ASIC2: variants seen among roughly 807,000 people sequenced by gnomAD.
ASIC2 encodes the protein acid-sensing ion channel 2.
A neutral mutation model predicts 57.3 loss-of-function variants in ASIC2; 25 were observed. That is an observed-to-expected ratio of 0.44 (90% confidence interval 0.32 to 0.61). The LOEUF (loss-of-function observed/expected upper bound fraction) is 0.61, where lower values mean the gene tolerates loss of function less well. Among genes scored for constraint, ASIC2 ranks in the 20% least tolerant of loss-of-function variants. The pLI, the probability that ASIC2 is intolerant of heterozygous loss-of-function variation, is 0.06. For synonymous variants in ASIC2, 319 were observed against 307.5 expected, an observed-to-expected ratio of 1.04 and a Z score of -0.39; for missense variants, 641 against 738.1, an observed-to-expected ratio of 0.87 and a Z score of 1.52.
intron 1 of ASIC2, among the ~76,000 whole-genome samples, chr17:33,604,276 T>C (rs957128735): frequency 1.3e-5 from 2 of 152,202 alleles, no homozygotes; most frequent in Non-Finnish European, 2.9e-5. Context: ...ATTCTGAGGC[T>C]TCCTCCTATA....
At chr17:33,048,728 C>T (rs1488809930) in intron 3 of ASIC2, among the ~76,000 whole-genome samples, 1 of 152,186 alleles carries the variant, frequency 6.6e-6, no homozygotes, top group East Asian at 1.9e-4. Context: ...GGAGTTCTCC[C>T]TGGGTCCTGT....
chr17:33,088,482 T>C (rs2092144241), intron 3 of ASIC2, among the ~76,000 whole-genome samples: 1 of 152,070 alleles, frequency 6.6e-6, no homozygotes, highest in Non-Finnish European at 1.5e-5. Flanking sequence ...TTTCTTTTTG[T>C]AGGCTGCTTT....
chr17:33,224,551 C>T (rs1364618564), intron 1 of ASIC2, among the ~76,000 whole-genome samples: 1 of 152,110 alleles, frequency 6.6e-6, no homozygotes, highest in African/African-American at 2.4e-5. Context: ...AGAGCTGGAT[C>T]AATATCGAAT....
intron 1 of ASIC2, among the ~76,000 whole-genome samples, chr17:33,128,521 A>G (rs987444612): frequency 1.3e-5 from 2 of 152,328 alleles, no homozygotes; most frequent in South Asian, 4.1e-4. Flanking sequence ...GATCACACCC[A>G]TGCAGGAGGG....
chr17:33,865,434 G>A (rs1597907795), intron 1 of ASIC2, among the ~76,000 whole-genome samples: 1 of 152,164 alleles, frequency 6.6e-6, no homozygotes, highest in South Asian at 2.1e-4. Flanking sequence ...GGCAGCAAGT[G>A]AAAATGTACC....
chr17:33,606,483 C>T (rs1905235394), intron 1 of ASIC2, among the ~76,000 whole-genome samples: 2 of 152,208 alleles, frequency 1.3e-5, no homozygotes, highest in Non-Finnish European at 1.5e-5. Context: ...TCATGCAAAA[C>T]TCCTTTCTTC....
chr17:34,085,251 T>C (rs1910065688), intron 1 of ASIC2, among the ~76,000 whole-genome samples: 2 of 152,216 alleles, frequency 1.3e-5, no homozygotes, highest in South Asian at 2.1e-4. Context: ...AGCATGAAGG[T>C]TGTTGAATTT....
At chr17:34,030,530 C>T (rs1049370639) in intron 1 of ASIC2, among the ~76,000 whole-genome samples, 28 of 152,290 alleles carry the variant, frequency 1.8e-4, no homozygotes, top group African/African-American at 6.3e-4. Flanking sequence ...GTGCAGTGCA[C>T]CGTGCGCGAG....
intron 1 of ASIC2, among the ~76,000 whole-genome samples, chr17:33,269,613 C>CCTTCCTTCCTT: frequency 1.4e-5 from 1 of 73,340 alleles, no homozygotes; most frequent in South Asian, 4.6e-4. Context: ...AGGGCTCCTT[C>CCTTCCTTCCTT]CCTTCCTTCC....
chr17:33,998,934 C>T (rs1906246009), intron 1 of ASIC2, among the ~76,000 whole-genome samples: 1 of 152,092 alleles, frequency 6.6e-6, no homozygotes, highest in South Asian at 2.1e-4. Context: ...TTTCTGTCTT[C>T]ATGATCTATC....
intron 1 of ASIC2, among the ~76,000 whole-genome samples, chr17:33,270,097 G>A (rs1044899617): frequency 3.3e-5 from 5 of 152,280 alleles, no homozygotes; most frequent in Non-Finnish European, 5.9e-5. Flanking sequence ...TGTCTACAAT[G>A]AGCGATTTTT....
At chr17:33,669,008 G>A (rs571772563) in intron 1 of ASIC2, among the ~76,000 whole-genome samples, 2 of 152,316 alleles carry the variant, frequency 1.3e-5, no homozygotes, top group East Asian at 3.9e-4. Flanking sequence ...ACGCCGCCAG[G>A]AGGAAGTAGC....
At chr17:33,171,519 T>G (rs1398517995) in intron 1 of ASIC2, among the ~76,000 whole-genome samples, 2 of 152,194 alleles carry the variant, frequency 1.3e-5, no homozygotes, top group Non-Finnish European at 2.9e-5. Flanking sequence ...TATAGCTCAA[T>G]TCCACCTGCT....
chr17:33,069,700 A>G (rs1160280031), intron 3 of ASIC2, among the ~76,000 whole-genome samples: 1 of 152,148 alleles, frequency 6.6e-6, no homozygotes, highest in Non-Finnish European at 1.5e-5. Flanking sequence ...ATATGTTTCC[A>G]TCCTTTAAAA....
intron 1 of ASIC2, among the ~76,000 whole-genome samples, chr17:33,188,948 T>C (rs1906308666): frequency 6.6e-6 from 1 of 152,110 alleles, no homozygotes; most frequent in African/African-American, 2.4e-5. Flanking sequence ...TAACAATGTG[T>C]TGTGGGGTTT....
chr17:33,750,359 T>G (rs2637365), intron 1 of ASIC2, among the ~76,000 whole-genome samples: 78,126 of 150,518 alleles, frequency 0.52, 20,345 homozygotes, highest in East Asian at 0.6. Flanking sequence ...TGAGGTTTGG[T>G]AGACTGATGA....
intron 1 of ASIC2, among the ~76,000 whole-genome samples, chr17:33,167,244 C>A (rs544354611): frequency 1.3e-5 from 2 of 152,170 alleles, no homozygotes; most frequent in East Asian, 3.9e-4. Context: ...CTACTTGCCA[C>A]TTCTCTTGGT....
chr17:33,160,115 G>A (rs1434914332), intron 1 of ASIC2, among the ~76,000 whole-genome samples: 1 of 151,954 alleles, frequency 6.6e-6, no homozygotes. Flanking sequence ...AGGCTAAGGT[G>A]GGAGGATTGC....
rs967657386 is a variant in ASIC2 at position 33,735,949 on chromosome 17, A to G, written c.555+420029T>C. ...TTGGCATGAATGAATGAGTGAGTGAATAAATAAATGAACGGCTTCAAGATC... is the reference window on the plus strand; with the variant it reads ...TTGGCATGAATGAATGAGTGAGTGAGTAAATAAATGAACGGCTTCAAGATC... On this transcript the variant is annotated intron_variant, in intron 1 of 9. Transcript: ENST00000359872. Among the ~76,000 whole-genome samples, 3 of 152,248 alleles carry G rather than the reference A, an allele frequency of 2.0e-5. No homozygotes were observed. The South Asian group carries it at 6.2e-4, about 32-fold the overall frequency.
Sources: gnomAD v4.1 joint callset for allele counts (sites outside exome capture counted in the v4.1 genomes callset) on GRCh38, gnomAD v4.1.1 for gene constraint, MANE v1.5 for transcripts, NCBI Gene and HGNC (gene_info 2026-07-23, HGNC 2026-07-21) for gene names.